The following ABI1 variants were observed in gnomAD, a reference collection of about 807,000 sequenced individuals.
The protein encoded by ABI1 is Abelson interactor 1.
Under a neutral mutation model 54.6 loss-of-function variants are expected in ABI1, and 14 were observed. That is an observed-to-expected ratio of 0.26 (90% confidence interval 0.17 to 0.40). ABI1 has a LOEUF of 0.40. ABI1 is among the 10% of genes least tolerant of loss of function. The pLI, the probability that ABI1 is intolerant of heterozygous loss-of-function variation, is 1.00. For missense variants in ABI1, 443 were observed against 598.3 expected, an observed-to-expected ratio of 0.74 and a Z score of 2.71; for synonymous variants, 194 against 209.3, an observed-to-expected ratio of 0.93 and a Z score of 0.63.
At chr10:26,829,174 C>T (rs1164319177) in intron 1 of ABI1, among the ~76,000 whole-genome samples, 2 of 151,492 alleles carry the variant, frequency 1.3e-5, no homozygotes, top group African/African-American at 2.4e-5. Flanking sequence ...TGCAGTGAGC[C>T]CAGATCGCGC....
intron 2 of ABI1, among the ~76,000 whole-genome samples, chr10:26,821,937 G>A (rs1303641149): frequency 6.6e-6 from 1 of 152,040 alleles, no homozygotes; most frequent in African/African-American, 2.4e-5. Flanking sequence ...GAATAGGCTT[G>A]TATCCACAAA....
At chr10:26,837,502 C>G (rs796259392) in intron 1 of ABI1, among the ~76,000 whole-genome samples, 1 of 152,198 alleles carries the variant, frequency 6.6e-6, no homozygotes, top group African/African-American at 2.4e-5. Flanking sequence ...CAATTCTATT[C>G]ACAATTAGAA....
intron 2 of ABI1, among the ~76,000 whole-genome samples, chr10:26,818,935 G>C (rs945402384): frequency 6.6e-6 from 1 of 152,194 alleles, no homozygotes; most frequent in Non-Finnish European, 1.5e-5. Context: ...AGAGGTTGCA[G>C]TGAGCCGAGA....
At chr10:26,843,469 AAAAAAAAAAAAAAAAAATATAT>A (rs1171352114) in intron 1 of ABI1, among the ~76,000 whole-genome samples, 4 of 82,982 alleles carry the variant, frequency 4.8e-5, no homozygotes, top group South Asian at 1.0e-3. Flanking sequence ...AAAAAAAAAA[AAAAAAAAAAAAAAAAAATATAT>A]ATATATATAT....
At chr10:26,818,054 G>A (rs1215038528) in intron 2 of ABI1, among the ~76,000 whole-genome samples, 2 of 150,620 alleles carry the variant, frequency 1.3e-5, no homozygotes, top group African/African-American at 4.9e-5. Context: ...AGCTACCCGG[G>A]AGGCTGAGGC....
chr10:26,839,348 T>G (rs2049317397), intron 1 of ABI1, among the ~76,000 whole-genome samples: 1 of 151,950 alleles, frequency 6.6e-6, no homozygotes. Flanking sequence ...ATATAAAAAT[T>G]AGCCAGGCAT....
At chr10:26,827,346 C>A (rs1296012145) in intron 1 of ABI1, among the ~76,000 whole-genome samples, 1 of 151,934 alleles carries the variant, frequency 6.6e-6, no homozygotes, top group African/African-American at 2.4e-5. Flanking sequence ...CTCAGCCTCC[C>A]AAGCAGCTGG....
At chr10:26,838,780 A>G (rs1325732285) in intron 1 of ABI1, among the ~76,000 whole-genome samples, 4 of 152,226 alleles carry the variant, frequency 2.6e-5, no homozygotes, top group Non-Finnish European at 5.9e-5. Context: ...CACTTAGCCT[A>G]GCAAACAATG....
intron 2 of ABI1, among the ~76,000 whole-genome samples, chr10:26,777,808 G>A (rs566653726): frequency 6.6e-6 from 1 of 152,134 alleles, no homozygotes; most frequent in South Asian, 2.1e-4. Flanking sequence ...GTGTAGAAAG[G>A]GAAAGTTGTC....
chr10:26,852,964 G>A (rs2050514752), intron 1 of ABI1, among the ~76,000 whole-genome samples: 3 of 151,942 alleles, frequency 2.0e-5, no homozygotes, highest in East Asian at 1.9e-4. Flanking sequence ...TCATAAACAC[G>A]GGTTCACTAC....
intron 2 of ABI1, among the ~76,000 whole-genome samples, chr10:26,819,079 T>G (rs2047791829): frequency 6.6e-6 from 1 of 152,144 alleles, no homozygotes; most frequent in Admixed American, 6.6e-5. Flanking sequence ...TTAAACATAC[T>G]CCTGAAGTAA....
At position 26,860,916 on chromosome 10, in the gene ABI1, G is replaced by A. The variant is rs914120902; in HGVS notation, c.-53C>T. ...CGCGTTAAAGAGACAGAGGCAGCAA[G>A]GTCCGCCGAGGCTCCGAGCACCTCA... On this transcript the variant is annotated 5_prime_UTR_variant, in exon 1 of 11. Coordinates refer to ENST00000376140, the MANE Select transcript of ABI1 (RefSeq NM_001012750.3). This position sits in a 1 kb window ranked among gnomAD's most constrained non-coding sequence, Gnocchi z 4.1. The A allele has an allele frequency of 5.9e-6, 9 of 1,537,316 alleles. 1 individual carries two copies. The South Asian group carries it at 8.9e-5, about 15-fold the overall frequency.
rs1369013662 is a variant in ABI1, at chr10:26,860,152, T to C, written c.117+595A>G. ...CGGGAGGTCGGTGTAATGTGACTCATGACAAATTTTTTTTAAATAAATAAA... is the reference window on the plus strand; with the variant it reads ...CGGGAGGTCGGTGTAATGTGACTCACGACAAATTTTTTTTAAATAAATAAA... On this transcript the variant is annotated intron_variant, in intron 1 of 10. Transcript: ENST00000376140. The surrounding 1 kb of genome is among the most constrained non-coding windows in gnomAD (Gnocchi z 4.1). Among the ~76,000 whole-genome samples, 1 of 152,014 alleles carries C rather than the reference T, an allele frequency of 6.6e-6. No individual in the cohort carries two copies. Among genetic ancestry groups the C allele is most frequent in the Non-Finnish European group, 1.5e-5 (1 of 67,998 alleles).
At position 26,795,131 on chromosome 10, in the gene ABI1, G is replaced by A. The variant is rs557572018; in HGVS notation, c.286-17890C>T. Among the ~76,000 whole-genome samples, 312 of 145,320 alleles carry A rather than the reference G, an allele frequency of 2.1e-3. 1 individual carries two copies. The highest frequency in any genetic ancestry group is 7.8e-3 in the African/African-American group (300 of 38,664). On this transcript the variant is annotated intron_variant, in intron 2 of 10. Coordinates refer to ENST00000376140, the MANE Select transcript of ABI1 (RefSeq NM_001012750.3). Reference sequence around the variant, plus strand: ...TGCACTCCAGCCTGGGCGACAGAGCGAGACTGTCTCAAAAAAAAAAAAAAA... The same window carrying A: ...TGCACTCCAGCCTGGGCGACAGAGCAAGACTGTCTCAAAAAAAAAAAAAAA...
intron 3 of ABI1, among the ~76,000 whole-genome samples, chr10:26,772,565 T>C (rs1439900464): frequency 2.0e-5 from 3 of 152,186 alleles, no homozygotes; most frequent in Non-Finnish European, 4.4e-5. Context: ...TGTGCTACTA[T>C]GCAATGGTAT....
chr10:26,827,802 A>G (rs2048407208), intron 1 of ABI1, among the ~76,000 whole-genome samples: 1 of 152,088 alleles, frequency 6.6e-6, no homozygotes, highest in Admixed American at 6.5e-5. Context: ...CATGCTGGCC[A>G]GGCTGGTCTT....
Position 26,835,088 on chromosome 10 carries a change from C to CAA in ABI1, c.118-11785_118-11784dup, listed in dbSNP as rs201431383. Among the ~76,000 whole-genome samples, 98 of 32,084 alleles carry CAA rather than the reference C, an allele frequency of 3.1e-3. 4 individuals carry two copies. Among genetic ancestry groups the CAA allele is most frequent in the East Asian group, 6.4e-3 (11 of 1,728 alleles). The allele number at this position is 32,084 out of a possible 152,430, so 21.0% of individuals were successfully genotyped here. On this transcript the variant is annotated intron_variant, in intron 1 of 10. Transcript: ENST00000376140. ...TGGGCAACTGAGCAAGATTCTACCT[C>CAA]AAAAAAAAAAAAAAAAAAAAAAAAA...
chr10:26,767,400 G>C (rs756902504), intron 6 of ABI1, among the ~76,000 whole-genome samples: 2 of 152,162 alleles, frequency 1.3e-5, no homozygotes, highest in East Asian at 1.9e-4. Flanking sequence ...ACCAACCTAA[G>C]AGTGAAGGCA....
At chr10:26,788,753 A>G (rs1843021965) in intron 2 of ABI1, among the ~76,000 whole-genome samples, 1 of 152,060 alleles carries the variant, frequency 6.6e-6, no homozygotes, top group Non-Finnish European at 1.5e-5. Context: ...TCTACTAAAA[A>G]TACAAAAAAT....
Sources: gnomAD v4.1 joint callset for allele counts (sites outside exome capture counted in the v4.1 genomes callset) on GRCh38, gnomAD v4.1.1 for gene constraint, Gnocchi (gnomAD v3.1) non-coding constraint, MANE v1.5 for transcripts, NCBI Gene and HGNC (gene_info 2026-07-23, HGNC 2026-07-21) for gene names.